SUGCT: variants seen among roughly 807,000 people sequenced by gnomAD.
SUGCT encodes succinyl-CoA:glutarate CoA-transferase.
In SUGCT, 41 loss-of-function variants were observed where a neutral mutation model predicts 55.0. The observed-to-expected ratio is 0.74, with a 90% CI of 0.58 to 0.97. The LOEUF (loss-of-function observed/expected upper bound fraction) is 0.97, where lower values mean the gene tolerates loss of function less well. Ranked by LOEUF, SUGCT falls within the 50% of genes least tolerant of loss-of-function variation. SUGCT has a pLI of 0.00. For missense variants in SUGCT, 568 were observed against 547.8 expected (o/e 1.04, Z -0.37); for synonymous variants, 187 against 200.4 (o/e 0.93, Z 0.56).
intron 12 of SUGCT, among the ~76,000 whole-genome samples, chr7:40,612,792 G>T (rs1181242001): frequency 6.6e-6 from 1 of 152,228 alleles, no homozygotes; most frequent in Non-Finnish European, 1.5e-5. Flanking sequence ...TATTAGAATT[G>T]TATTTGCATT....
At position 40,194,927 on chromosome 7, in the gene SUGCT, C is replaced by G; in HGVS notation, c.364-13C>G. 1 of 1,610,216 alleles carries G rather than the reference C, an allele frequency of 6.2e-7. No homozygotes were observed. Among genetic ancestry groups the G allele is most frequent in the Non-Finnish European group, 8.5e-7 (1 of 1,178,346 alleles). On this transcript the variant is annotated splice_polypyrimidine_tract_variant and intron_variant, in intron 5 of 13. Coordinates refer to ENST00000335693, the MANE Select transcript of SUGCT (RefSeq NM_001193313.2). ...TGAGTGGAAGTCTGACTCATGTTCACCTCTTCCATCAGCTTGCAGCTGTTT... is the reference window on the plus strand; with the variant it reads ...TGAGTGGAAGTCTGACTCATGTTCAGCTCTTCCATCAGCTTGCAGCTGTTT...
At chr7:40,637,824 T>G (rs1346960977) in intron 12 of SUGCT, among the ~76,000 whole-genome samples, 1 of 152,212 alleles carries the variant, frequency 6.6e-6, no homozygotes, top group Non-Finnish European at 1.5e-5. Flanking sequence ...ATTGGAAGAT[T>G]TTTTAGTATG....
At chr7:40,708,638 T>C (rs1785545671) in intron 12 of SUGCT, among the ~76,000 whole-genome samples, 1 of 152,164 alleles carries the variant, frequency 6.6e-6, no homozygotes, top group Non-Finnish European at 1.5e-5. Context: ...ACTCATCTCC[T>C]GCCACTGACT....
intron 12 of SUGCT, among the ~76,000 whole-genome samples, chr7:40,585,259 G>C (rs1274953951): frequency 6.6e-6 from 1 of 152,178 alleles, no homozygotes; most frequent in Non-Finnish European, 1.5e-5. Flanking sequence ...TGTGCCAGAG[G>C]GGTGGGTGAT....
At chr7:40,959,014 T>C in the SUGCT span, among the ~76,000 whole-genome samples, 1 of 152,174 alleles carries the variant, frequency 6.6e-6, no homozygotes. Flanking sequence ...ACAGCAATGA[T>C]TGCTGCCTGC....
intron 12 of SUGCT, among the ~76,000 whole-genome samples, chr7:40,565,969 A>T (rs992527694): frequency 7.0e-5 from 7 of 99,742 alleles, no homozygotes; most frequent in African/African-American, 1.6e-4. Context: ...CTGGCATATC[A>T]CACACACACA....
chr7:40,452,297 T>G (rs1032409399), intron 10 of SUGCT, among the ~76,000 whole-genome samples: 18 of 152,252 alleles, frequency 1.2e-4, no homozygotes, highest in Non-Finnish European at 4.4e-5. Context: ...AGCTGATGGA[T>G]GCCACCCAAA....
At chr7:40,718,486 G>C (rs1188995144) in intron 12 of SUGCT, among the ~76,000 whole-genome samples, 1 of 152,164 alleles carries the variant, frequency 6.6e-6, no homozygotes, top group Non-Finnish European at 1.5e-5. Context: ...GGATTGGCAT[G>C]CTTTGTCTAT....
At chr7:41,016,816 G>T in the SUGCT span, among the ~76,000 whole-genome samples, 9 of 152,180 alleles carry the variant, frequency 5.9e-5, no homozygotes, top group Non-Finnish European at 1.2e-4. Flanking sequence ...GGCTTCCTGC[G>T]TCTTGTGAAT....
At chr7:40,320,687 C>G (rs556786746) in intron 9 of SUGCT, among the ~76,000 whole-genome samples, 201 of 152,332 alleles carry the variant, frequency 1.3e-3, no homozygotes, top group African/African-American at 4.8e-3. Context: ...GTGACCCACA[C>G]TGACCTCTAC....
At chr7:40,378,223 C>CT (rs1168566313) in intron 9 of SUGCT, among the ~76,000 whole-genome samples, 2 of 150,624 alleles carry the variant, frequency 1.3e-5, no homozygotes, top group South Asian at 2.1e-4. Flanking sequence ...CTCTTCTCCT[C>CT]TTTTTTTTGG....
intron 13 of SUGCT, among the ~76,000 whole-genome samples, chr7:40,772,261 G>C (rs181213217): frequency 6.6e-6 from 1 of 152,014 alleles, no homozygotes; most frequent in South Asian, 2.1e-4. Flanking sequence ...GTTACCACCT[G>C]CTGAATATCA....
the SUGCT span, chr7:40,966,481 C>T: frequency 6.6e-6 from 1 of 152,280 alleles, no homozygotes; most frequent in East Asian, 1.9e-4. Context: ...GAATAAATTC[C>T]TGTGACAAAA....
chr7:40,288,464 C>T (rs973786808), intron 8 of SUGCT, among the ~76,000 whole-genome samples: 5 of 151,882 alleles, frequency 3.3e-5, no homozygotes, highest in African/African-American at 7.3e-5. Flanking sequence ...CAAAGCTTGC[C>T]GGTCTTATTA....
At chr7:40,259,529 A>G (rs1371626543) in intron 7 of SUGCT, among the ~76,000 whole-genome samples, 1 of 152,212 alleles carries the variant, frequency 6.6e-6, no homozygotes, top group Non-Finnish European at 1.5e-5. Context: ...GCCATTCTAC[A>G]ATGTGCATAT....
chr7:40,629,938 A>G (rs563818759), intron 12 of SUGCT, among the ~76,000 whole-genome samples: 2 of 152,272 alleles, frequency 1.3e-5, no homozygotes, highest in Non-Finnish European at 1.5e-5. Context: ...GAGACATTCT[A>G]AATTTTTGAG....
intron 8 of SUGCT, among the ~76,000 whole-genome samples, chr7:40,279,345 T>C (rs1306305410): frequency 6.6e-6 from 1 of 152,070 alleles, no homozygotes; most frequent in East Asian, 1.9e-4. Context: ...CAATTCCTGG[T>C]ACTAGCGATG....
At chr7:40,769,092 G>T (rs888373748) in intron 13 of SUGCT, among the ~76,000 whole-genome samples, 3 of 147,440 alleles carry the variant, frequency 2.0e-5, no homozygotes, top group Non-Finnish European at 3.0e-5. Flanking sequence ...CTTACATGGG[G>T]AGCAGTAAAA....
intron 11 of SUGCT, among the ~76,000 whole-genome samples, chr7:40,493,521 A>C (rs1375986411): frequency 6.6e-6 from 1 of 152,242 alleles, no homozygotes; most frequent in Non-Finnish European, 1.5e-5. Flanking sequence ...TGCTTCACCT[A>C]TCTAAATGAT....
Sources: allele counts gnomAD v4.1 joint callset (sites outside exome capture counted in the v4.1 genomes callset), GRCh38; gene constraint gnomAD v4.1.1; transcripts MANE v1.5; gene names NCBI Gene and HGNC (gene_info 2026-07-23, HGNC 2026-07-21).